SIK3: variants seen among roughly 807,000 people sequenced by gnomAD.
SIK3 encodes SIK family kinase 3, also known as serine/threonine-protein kinase SIK3.
A neutral mutation model predicts 144.2 loss-of-function variants in SIK3; 28 were observed. The observed-to-expected ratio is 0.19, with a 90% confidence interval of 0.14 to 0.27. The LOEUF is 0.27. SIK3 is among the 10% of genes least tolerant of loss of function. SIK3 has a pLI of 1.00. For missense variants in SIK3, 1,319 were observed against 1,776.0 expected (o/e 0.74, Z 4.62); for synonymous variants, 686 against 676.3 (o/e 1.01, Z -0.22).
chr11:116,869,293 T>G (rs1943827088), intron 14 of SIK3: 3 of 152,236 alleles, frequency 2.0e-5, no homozygotes, highest in Admixed American at 2.0e-4. Context: ...TAGGACCAGC[T>G]GCTTTCTGAA....
intron 6 of SIK3, among the ~76,000 whole-genome samples, chr11:116,878,774 T>C (rs1478546832): frequency 6.6e-6 from 1 of 152,324 alleles, no homozygotes; most frequent in East Asian, 1.9e-4. Context: ...CCTTTACATG[T>C]GTTTTTTTGT....
chr11:116,922,604 T>G (rs1183338581), intron 4 of SIK3, among the ~76,000 whole-genome samples: 1 of 152,194 alleles, frequency 6.6e-6, no homozygotes, highest in African/African-American at 2.4e-5. Flanking sequence ...CTAGGCAACA[T>G]AGTGAGATTC....
In SIK3 at chr11:116,867,923, G is replaced by A. The variant is rs147803316; in HGVS notation, c.1952+23C>T. On this transcript the variant is annotated intron_variant, in intron 15 of 24. Coordinates refer to ENST00000445177, the MANE Select transcript of SIK3 (RefSeq NM_001366686.3). The surrounding 1 kb of genome is among the most constrained non-coding windows in gnomAD (Gnocchi z 4.1). Reference sequence around the variant, plus strand: ...CTGTCCGATGAGCCTCAAGGAGCTCGCACAGCTCATGTGGCTACTCACCGA... The same window carrying A: ...CTGTCCGATGAGCCTCAAGGAGCTCACACAGCTCATGTGGCTACTCACCGA... 1.8e-4 allele frequency: 279 copies of A among 1,509,490 alleles called. 1 individual carries two copies. The African/African-American group carries it at 3.4e-3, about 18-fold the overall frequency. The allele number at this position is 1,509,490 out of a possible 1,614,324, so 93.5% of individuals were successfully genotyped here.
chr11:116,909,378 A>T (rs1014723447), intron 4 of SIK3, among the ~76,000 whole-genome samples: 5 of 152,094 alleles, frequency 3.3e-5, no homozygotes, highest in African/African-American at 9.6e-5. Flanking sequence ...GTACAAAAAA[A>T]ATTTTTTTTC....
At chr11:116,970,237 A>G (rs1037216547) in intron 1 of SIK3, among the ~76,000 whole-genome samples, 3 of 152,214 alleles carry the variant, frequency 2.0e-5, no homozygotes, top group Non-Finnish European at 4.4e-5. Context: ...TGATCAAGCC[A>G]CTACACTCCT....
chr11:116,872,827 T>G (rs772920620), intron 13 of SIK3, among the ~76,000 whole-genome samples: 10 of 151,904 alleles, frequency 6.6e-5, no homozygotes, highest in Non-Finnish European at 1.2e-4. Flanking sequence ...TCTCCAAGGG[T>G]GATGGATATA....
chr11:117,006,584 G>A (rs974570498), intron 1 of SIK3, among the ~76,000 whole-genome samples: 1 of 151,692 alleles, frequency 6.6e-6, no homozygotes, highest in African/African-American at 2.4e-5. Context: ...GAACCCTTTA[G>A]CCTAGGAGTT....
At chr11:116,996,915 T>A (rs1950689966) in intron 1 of SIK3, among the ~76,000 whole-genome samples, 1 of 151,606 alleles carries the variant, frequency 6.6e-6, no homozygotes, top group Non-Finnish European at 1.5e-5. Flanking sequence ...CTATTCTCAA[T>A]TAAGTTGTTA....
intron 14 of SIK3, among the ~76,000 whole-genome samples, 159 bp from the exon 15 acceptor site, chr11:116,868,248 C>T (rs746505967): frequency 1.3e-5 from 2 of 152,190 alleles, no homozygotes; most frequent in African/African-American, 2.4e-5. Flanking sequence ...AAGTGAGACA[C>T]GTCTAACTGG....
intron 1 of SIK3, among the ~76,000 whole-genome samples, chr11:117,064,075 T>C (rs924010422): frequency 6.6e-6 from 1 of 152,124 alleles, no homozygotes; most frequent in Non-Finnish European, 1.5e-5. Flanking sequence ...GAGCACAGCA[T>C]TAAGAATTCA....
chr11:116,861,881 A>C lies in SIK3; in HGVS notation c.2275T>G (p.Cys759Gly). The C allele has an allele frequency of 6.2e-7, 1 of 1,612,352 alleles. No individual in the cohort carries two copies. Among genetic ancestry groups the C allele is most frequent in the Non-Finnish European group, 8.5e-7 (1 of 1,179,352 alleles). Reference protein sequence around the residue: ...PQPSPPLQAACENQPALLTHQ... With the variant: ...PQPSPPLQAAGENQPALLTHQ... The stretch of plus-strand genomic sequence containing the variant: ...GTAAGGAGGGCTGGCTGATTTTCAC[A>C]TGCAGCCTGAAGAGGTGGAGATGGC... Residue 759 changes from cysteine (C) to glycine (G), a missense_variant, in exon 18 of 25, where the codon TGT (cysteine) becomes GGT (glycine). By Grantham distance (159) the Cys-to-Gly change is radical (BLOSUM62 -3). Coordinates refer to ENST00000445177, the MANE Select transcript of SIK3 (RefSeq NM_001366686.3).
Position 117,038,422 on chromosome 11 carries a change from T to C in SIK3, c.273+59721A>G, listed in dbSNP as rs565662975. Among the ~76,000 whole-genome samples, 5 of 150,596 alleles carry C rather than the reference T, an allele frequency of 3.3e-5. No homozygotes were observed. In the South Asian group the frequency reaches 1.0e-3, roughly 32 times the overall value. ...CCCAGGCTGGAGTGCAGTGGTGCAA[T>C]CTCGGCTCACCACAGCCTCTGCCTC... is the stretch of plus-strand genomic sequence containing the variant. On this transcript the variant is annotated intron_variant, in intron 1 of 24. Transcript: ENST00000445177.
At chr11:117,023,642 ATATT>A (rs1407017541) in intron 1 of SIK3, among the ~76,000 whole-genome samples, 74 of 144,972 alleles carry the variant, frequency 5.1e-4, no homozygotes, top group African/African-American at 1.8e-3. Context: ...ATATATATAT[ATATT>A]GCACACTGCA....
chr11:116,933,210 G>A (rs1243940021), intron 3 of SIK3, among the ~76,000 whole-genome samples: 1 of 147,098 alleles, frequency 6.8e-6, no homozygotes, highest in Admixed American at 7.0e-5. Flanking sequence ...GTGCAATCTT[G>A]GCTCACTGCA....
intron 1 of SIK3, among the ~76,000 whole-genome samples, chr11:116,972,018 C>T (rs1196461051): frequency 2.7e-5 from 4 of 149,548 alleles, no homozygotes; most frequent in South Asian, 2.1e-4. Flanking sequence ...CCTGGAGGGG[C>T]GGAGGCTGCA....
At chr11:117,013,967 C>CTTTTTTTTTTTTTTT (rs1951406146) in intron 1 of SIK3, among the ~76,000 whole-genome samples, 14 of 7,366 alleles carry the variant, frequency 1.9e-3, no homozygotes, top group Non-Finnish European at 2.3e-3. Flanking sequence ...TTCTTTTTTT[C>CTTTTTTTTTTTTTTT]TTTTCTTTTT....
intron 3 of SIK3, among the ~76,000 whole-genome samples, chr11:116,945,226 T>A (rs929353428): frequency 6.6e-6 from 1 of 152,194 alleles, no homozygotes; most frequent in Non-Finnish European, 1.5e-5. Context: ...CCCAAAGTGC[T>A]GGGATTACAG....
At chr11:117,068,839 T>G (rs1954134401) in intron 1 of SIK3, among the ~76,000 whole-genome samples, 1 of 152,252 alleles carries the variant, frequency 6.6e-6, no homozygotes, top group Admixed American at 6.5e-5. Flanking sequence ...CTATAAAATA[T>G]GACATATAAT....
rs547924511 is a variant in SIK3 at position 116,970,808 on chromosome 11, C to A, written c.274-13744G>T. Among the ~76,000 whole-genome samples, 88 of 151,968 alleles carry A rather than the reference C, an allele frequency of 5.8e-4. 1 individual carries two copies. The highest frequency in any genetic ancestry group is 2.1e-3 in the African/African-American group (86 of 41,428). Reference sequence around the variant, plus strand: ...AGGACTACAGGCATGTACTACCATGCCCAGCTAAATTAATTTTTTTTAAGA... The same window carrying A: ...AGGACTACAGGCATGTACTACCATGACCAGCTAAATTAATTTTTTTTAAGA... On this transcript the variant is annotated intron_variant, in intron 1 of 24. Transcript: ENST00000445177.
Sources: gnomAD v4.1 joint callset for allele counts (sites outside exome capture counted in the v4.1 genomes callset) on GRCh38, gnomAD v4.1.1 for gene constraint, Gnocchi (gnomAD v3.1) non-coding constraint, MANE v1.5 for transcripts, NCBI Gene and HGNC (gene_info 2026-07-23, HGNC 2026-07-21) for gene names.